ATG13: variants seen among roughly 807,000 people sequenced by gnomAD.
ATG13 encodes autophagy-related protein 13.
In ATG13, 23 loss-of-function variants were observed where a neutral mutation model predicts 65.5. That is an observed-to-expected ratio of 0.35 (90% CI 0.25 to 0.50). The LOEUF is 0.50. ATG13 is among the 20% of genes least tolerant of loss of function. The pLI is 0.98. For synonymous variants in ATG13, 252 were observed against 245.2 expected (o/e 1.03, Z -0.26); for missense variants, 566 against 677.0 (o/e 0.84, Z 1.82).
At chr11:46,630,747 T>C (rs1310027556) in intron 2 of ATG13, 1 of 152,116 alleles carries the variant, frequency 6.6e-6, no homozygotes, top group Non-Finnish European at 1.5e-5. Flanking sequence ...CTTACTTTTT[T>C]TGCAGAAACA....
chr11:46,619,479 G>C (rs1407477132), intron 1 of ATG13, among the ~76,000 whole-genome samples: 1 of 147,500 alleles, frequency 6.8e-6, no homozygotes, highest in African/African-American at 2.5e-5. Context: ...CTGCCTCCCG[G>C]GTTCAAGCGA....
At chr11:46,623,918 ATTC>A (rs2048572366) in intron 1 of ATG13, among the ~76,000 whole-genome samples, 1 of 146,258 alleles carries the variant, frequency 6.8e-6, no homozygotes, top group Non-Finnish European at 1.5e-5. Context: ...ACACATTCTT[ATTC>A]TTTTTTTTTT....
At chr11:46,657,312 A>G in intron 9 of ATG13, 121 bp downstream of exon 9, 1 of 1,033,868 alleles carries the variant, frequency 9.7e-7, no homozygotes, top group Non-Finnish European at 1.4e-6. Context: ...TCAGAAGAAT[A>G]AAGAGAGAGT....
chr11:46,645,957 A>G lies in ATG13; in HGVS notation c.238A>G (p.Met80Val), dbSNP rs1371895083. ...ACAGCTGCCTGCAGTCGGGAGGTCCATGTGTGTGGAGATTTCACTTAAGAC... is the reference window on the plus strand; with the variant it reads ...ACAGCTGCCTGCAGTCGGGAGGTCCGTGTGTGTGGAGATTTCACTTAAGAC... ...AGQLPAVGRS[M>V]CVEISLKTSE... The change falls in exon 5 of 19, where the codon ATG becomes GTG. Residue 80 changes from methionine (M) to valine (V), a missense_variant. Coordinates refer to ENST00000683050, the MANE Select transcript of ATG13 (RefSeq NM_001346311.2). 1 of 1,614,196 alleles carries G rather than the reference A, an allele frequency of 6.2e-7. No individual in the cohort carries two copies. The highest frequency in any genetic ancestry group is 1.1e-5 in the South Asian group (1 of 91,088).
chr11:46,644,456 C>A, intron 3 of ATG13, 96 bp downstream of exon 3: 2 of 1,062,494 alleles, frequency 1.9e-6, no homozygotes, highest in Non-Finnish European at 1.4e-6. Flanking sequence ...AGCATAACAG[C>A]TTGCAGCTTG....
intron 2 of ATG13, 76 bp from the exon 3 acceptor site, chr11:46,644,203 A>T (rs2056932638): frequency 8.7e-7 from 1 of 1,143,046 alleles, no homozygotes; most frequent in African/African-American, 1.6e-5. Context: ...AGTAGACAAT[A>T]CCATCTCTGT....
intron 18 of ATG13, 31 bp downstream of exon 18, chr11:46,669,563 A>C (rs560429118): frequency 1.2e-5 from 19 of 1,610,440 alleles, no homozygotes; most frequent in Middle Eastern, 1.7e-4. Context: ...ACCACAGTGC[A>C]TCCTTATTTG....
At chr11:46,658,779 G>A (rs191489143) in intron 10 of ATG13, among the ~76,000 whole-genome samples, 5 of 151,944 alleles carry the variant, frequency 3.3e-5, no homozygotes, top group African/African-American at 1.2e-4. Flanking sequence ...CAGATGATCC[G>A]CCTGCTTCGG....
intron 1 of ATG13, among the ~76,000 whole-genome samples, chr11:46,619,668 A>G (rs1232164523): frequency 2.0e-5 from 3 of 151,846 alleles, no homozygotes; most frequent in African/African-American, 7.2e-5. Context: ...GATTACAGAC[A>G]TGAGCCACCA....
rs1157337061 is a variant in ATG13, at chr11:46,665,407, G to A, written c.1024G>A (p.Gly342Arg). 10 of 1,613,932 alleles carry A rather than the reference G, an allele frequency of 6.2e-6. No homozygotes were observed. Among genetic ancestry groups the A allele is most frequent in the East Asian group, 2.2e-5 (1 of 44,882 alleles). ...GCTGATGGTTCCTGGGAAGGAAGGT[G>A]GGGTACCCCTTGCTCCCAACCAGCC... The part of the protein sequence containing the change: ...HQLMVPGKEG[G>R]VPLAPNQPVH... Residue 342 changes from glycine (G) to arginine (R), a missense_variant, in exon 14 of 19, where the codon GGG (glycine) becomes AGG (arginine). Gly to Arg is a moderately radical substitution (Grantham distance 125). Transcript: ENST00000683050.
At chr11:46,668,315 A>G (rs1188473442) in intron 15 of ATG13, among the ~76,000 whole-genome samples, 184 bp from the exon 16 acceptor site, 1 of 152,162 alleles carries the variant, frequency 6.6e-6, no homozygotes, top group Non-Finnish European at 1.5e-5. Flanking sequence ...CTGTGGGTGT[A>G]TGTGATGGGG....
At chr11:46,647,717 C>G (rs888833897) in intron 5 of ATG13, among the ~76,000 whole-genome samples, 5 of 150,894 alleles carry the variant, frequency 3.3e-5, no homozygotes, top group Admixed American at 3.3e-4. Context: ...GGAGTATATG[C>G]TGCACCACCA....
At chr11:46,636,150 G>A (rs925988760) in intron 2 of ATG13, among the ~76,000 whole-genome samples, 1 of 152,080 alleles carries the variant, frequency 6.6e-6, no homozygotes, top group Non-Finnish European at 1.5e-5. Flanking sequence ...ACCTGTTCTT[G>A]ATCACGGTGG....
chr11:46,670,012 A>G (rs997488474), intron 18 of ATG13, among the ~76,000 whole-genome samples: 18 of 152,080 alleles, frequency 1.2e-4, no homozygotes, highest in African/African-American at 3.9e-4. Context: ...TGCTTAGGGC[A>G]TTTCCTCTTC....
chr11:46,659,287 A>G lies in ATG13; in HGVS notation c.696-105A>G. ...TTCTTGCCAGTACGAACTGTGTGAA[A>G]CCGTTCTTAGCACAGGTCCCATCTC... On this transcript the variant is annotated intron_variant, in intron 10 of 18. Transcript: ENST00000683050. The G allele has an allele frequency of 9.2e-6, 8 of 865,158 alleles. No individual in the cohort carries two copies. In the Admixed American group the frequency reaches 1.7e-4, roughly 19 times the overall value. 53.6% of individuals were successfully genotyped at this position (865,158 alleles called of 1,614,324 possible).
At position 46,672,109 on chromosome 11, in the gene ATG13, C is replaced by T. The variant is rs189416430; in HGVS notation, c.1576-146C>T. 6,931 of 1,292,784 alleles carry T rather than the reference C, an allele frequency of 5.4e-3. 39 individuals carry two copies. Among genetic ancestry groups the T allele is most frequent in the Non-Finnish European group, 5.6e-3 (5,221 of 930,098 alleles). 80.1% of individuals were successfully genotyped at this position (1,292,784 alleles called of 1,614,324 possible). A position where few individuals can be genotyped will look rare whatever the true frequency, so the allele number is the denominator to read the frequency against. Reference sequence around the variant, plus strand: ...TATACCCCTCCCTACCCTGTGCCTACGCAGCTGCCCTGCGTTCTCCCACTT... The same window carrying T: ...TATACCCCTCCCTACCCTGTGCCTATGCAGCTGCCCTGCGTTCTCCCACTT... On this transcript the variant is annotated intron_variant, in intron 18 of 18. Coordinates refer to ENST00000683050, the MANE Select transcript of ATG13 (RefSeq NM_001346311.2).
At chr11:46,641,322 G>A (rs1009320416) in intron 2 of ATG13, among the ~76,000 whole-genome samples, 4 of 152,092 alleles carry the variant, frequency 2.6e-5, no homozygotes, top group Non-Finnish European at 5.9e-5. Flanking sequence ...CACCCGCCTC[G>A]GCCTCCCAAA....
chr11:46,643,666 A>G (rs1268648817), intron 2 of ATG13, among the ~76,000 whole-genome samples: 1 of 148,652 alleles, frequency 6.7e-6, no homozygotes, highest in Non-Finnish European at 1.5e-5. Flanking sequence ...GATCTTGCCC[A>G]AGCTGGTCCA....
chr11:46,619,857 G>A (rs970014754), intron 1 of ATG13, among the ~76,000 whole-genome samples: 23 of 151,380 alleles, frequency 1.5e-4, no homozygotes, highest in Non-Finnish European at 2.9e-4. Flanking sequence ...GTGAAACCCC[G>A]TCTCTACTAA....
Sources: gnomAD v4.1 joint callset for allele counts (sites outside exome capture counted in the v4.1 genomes callset) on GRCh38, gnomAD v4.1.1 for gene constraint, MANE v1.5 for transcripts, NCBI Gene and HGNC (gene_info 2026-07-23, HGNC 2026-07-21) for gene names.